The following STARD13 variants were observed in gnomAD, a reference collection of about 807,000 sequenced individuals.
STARD13 encodes StAR related lipid transfer domain containing 13.
STARD13 carries 62 observed loss-of-function variants against 106.4 expected under a neutral mutation model. The observed-to-expected ratio is 0.58, with a 90% CI of 0.48 to 0.72. The LOEUF (loss-of-function observed/expected upper bound fraction) is 0.72, where lower values mean the gene tolerates loss of function less well. Among genes scored for constraint, STARD13 ranks in the 30% least tolerant of loss-of-function variants. STARD13 has a pLI of 0.00. For missense variants in STARD13, 1,387 were observed against 1,424.0 expected (o/e 0.97, Z 0.42); for synonymous variants, 565 against 553.0 (o/e 1.02, Z -0.31).
chr13:33,154,082 A>G (rs1198887274), intron 3 of STARD13, among the ~76,000 whole-genome samples: 1 of 152,194 alleles, frequency 6.6e-6, no homozygotes, highest in Non-Finnish European at 1.5e-5. Context: ...GGATATACTA[A>G]TGCCAAAGAG....
At chr13:33,497,437 T>C in the STARD13 span, among the ~76,000 whole-genome samples, 45,395 of 151,966 alleles carry the variant, frequency 0.3, 7,644 homozygotes, top group Non-Finnish European at 0.39. Context: ...AAGTCTCTAT[T>C]TTGATAAAGA....
the STARD13 span, among the ~76,000 whole-genome samples, chr13:33,553,131 T>C: frequency 1.3e-5 from 2 of 152,162 alleles, no homozygotes; most frequent in Admixed American, 6.5e-5. Flanking sequence ...TTTATTGATA[T>C]AAAGAGTTGC....
At chr13:33,645,379 TG>T in the STARD13 span, among the ~76,000 whole-genome samples, 3 of 152,264 alleles carry the variant, frequency 2.0e-5, no homozygotes, top group South Asian at 6.2e-4. Flanking sequence ...AGCTACCAGA[TG>T]ATGTGTCTAT....
chr13:33,648,783 C>CTTTTTTTTT, the STARD13 span, among the ~76,000 whole-genome samples: 9 of 77,008 alleles, frequency 1.2e-4, no homozygotes, highest in African/African-American at 2.4e-4. Context: ...TTTTCTCTTT[C>CTTTTTTTTT]TTTTTTTTTT....
the STARD13 span, among the ~76,000 whole-genome samples, chr13:33,650,668 A>G: frequency 1.3e-5 from 2 of 152,246 alleles, no homozygotes; most frequent in Non-Finnish European, 2.9e-5. Context: ...TGTGCATGCT[A>G]TGATTTGAAT....
intron 10 of STARD13, among the ~76,000 whole-genome samples, chr13:33,111,540 G>T (rs1380553768): frequency 6.6e-6 from 1 of 152,226 alleles, no homozygotes; most frequent in Non-Finnish European, 1.5e-5. Context: ...ATAATGGCAG[G>T]TGATGCACTG....
chr13:33,214,556 T>A (rs1477632720), intron 1 of STARD13, among the ~76,000 whole-genome samples: 1 of 152,108 alleles, frequency 6.6e-6, no homozygotes, highest in Non-Finnish European at 1.5e-5. Context: ...CCGCGCCGAG[T>A]GATAAGTGCA....
chr13:33,484,230 A>C, the STARD13 span, among the ~76,000 whole-genome samples: 1 of 152,264 alleles, frequency 6.6e-6, no homozygotes, highest in East Asian at 1.9e-4. Flanking sequence ...GCTTCCCAAA[A>C]CTAAACTGTC....
At chr13:33,323,869 C>T (rs1027383082) in intron 1 of STARD13, among the ~76,000 whole-genome samples, 1 of 152,172 alleles carries the variant, frequency 6.6e-6, no homozygotes, top group Non-Finnish European at 1.5e-5. Flanking sequence ...TCTGGTTTCA[C>T]AGTCTCTACT....
At chr13:33,109,770 T>C (rs1874258470) in intron 12 of STARD13, 103 bp downstream of exon 12, 2 of 1,073,652 alleles carry the variant, frequency 1.9e-6, no homozygotes, top group East Asian at 2.5e-5. Flanking sequence ...GTGTTCCCCG[T>C]GGAGGCTGGA....
chr13:33,675,232 C>T, the STARD13 span, among the ~76,000 whole-genome samples: 1 of 152,224 alleles, frequency 6.6e-6, no homozygotes, highest in Non-Finnish European at 1.5e-5. Context: ...ATTTTCTTCC[C>T]TCCAGGACAA....
the STARD13 span, among the ~76,000 whole-genome samples, chr13:33,565,066 G>A: frequency 2.0e-5 from 3 of 146,914 alleles, no homozygotes; most frequent in African/African-American, 7.5e-5. Context: ...AAGTCGTTAT[G>A]TTTAGTGAAA....
chr13:33,640,501 A>C, the STARD13 span, among the ~76,000 whole-genome samples: 2 of 152,176 alleles, frequency 1.3e-5, no homozygotes, highest in Non-Finnish European at 2.9e-5. Context: ...TTTCACTGAA[A>C]ACATACCACC....
At chr13:33,346,806 AT>A (rs796619597), downstream of STARD13, among the ~76,000 whole-genome samples, 274 of 140,514 alleles carry the variant, frequency 1.9e-3, no homozygotes, top group Middle Eastern at 3.6e-3. Context: ...ATTTTTTTGT[AT>A]TTTTTTTTTT....
intron 1 of STARD13, among the ~76,000 whole-genome samples, chr13:33,262,645 C>T (rs1268703584): frequency 1.1e-5 from 1 of 88,610 alleles, no homozygotes; most frequent in Non-Finnish European, 2.4e-5. Flanking sequence ...AGAACCCCCC[C>T]CCCCACACAC....
intron 13 of STARD13, among the ~76,000 whole-genome samples, 195 bp from the exon 14 acceptor site, chr13:33,105,905 T>A (rs534982758): frequency 6.6e-6 from 1 of 152,378 alleles, no homozygotes; most frequent in East Asian, 1.9e-4. Flanking sequence ...TAAGTATTCA[T>A]GTTGTCATTT....
At chr13:33,344,488 A>G (rs891338999), downstream of STARD13, among the ~76,000 whole-genome samples, 3 of 147,724 alleles carry the variant, frequency 2.0e-5, no homozygotes, top group Admixed American at 6.6e-5. Flanking sequence ...ATTATAGAAC[A>G]CATTTAGATG....
chr13:33,162,460 TTTTC>T (rs1354700793), intron 3 of STARD13, among the ~76,000 whole-genome samples: 1 of 152,242 alleles, frequency 6.6e-6, no homozygotes, highest in Non-Finnish European at 1.5e-5. Context: ...GAAAATGTGT[TTTTC>T]TTTTCTACTG....
the STARD13 span, among the ~76,000 whole-genome samples, chr13:33,542,402 C>CA: frequency 6.6e-6 from 1 of 152,274 alleles, no homozygotes; most frequent in Admixed American, 6.5e-5. Flanking sequence ...ACCTGACTCA[C>CA]AGCCAGAAAC....
Sources: allele counts gnomAD v4.1 joint callset (sites outside exome capture counted in the v4.1 genomes callset), GRCh38; gene constraint gnomAD v4.1.1; transcripts MANE v1.5; gene names NCBI Gene and HGNC (gene_info 2026-07-23, HGNC 2026-07-21).